PIK3R1: variants seen among roughly 807,000 people sequenced by gnomAD.
PIK3R1 encodes phosphatidylinositol 3-kinase regulatory subunit alpha.
Under a neutral mutation model 98.0 loss-of-function variants are expected in PIK3R1, and 29 were observed. The observed-to-expected ratio is 0.30, with a 90% CI of 0.22 to 0.40. PIK3R1 has a LOEUF of 0.40. Among genes scored for constraint, PIK3R1 ranks in the 10% least tolerant of loss-of-function variants. The pLI is 1.00. For missense variants in PIK3R1, 596 were observed against 872.7 expected (o/e 0.68, Z 3.99); for synonymous variants, 282 against 311.8 (o/e 0.90, Z 1.01).
At chr5:68,275,141 T>TA (rs1746519852) in intron 4 of PIK3R1, among the ~76,000 whole-genome samples, 1 of 152,196 alleles carries the variant, frequency 6.6e-6, no homozygotes, top group Admixed American at 6.5e-5. Flanking sequence ...TTTCAAAAGT[T>TA]AAAAAAATGT....
intron 2 of PIK3R1, among the ~76,000 whole-genome samples, chr5:68,256,531 C>A (rs1359316548): frequency 6.6e-6 from 1 of 152,128 alleles, no homozygotes; most frequent in Non-Finnish European, 1.5e-5. Flanking sequence ...CACCCAGCAA[C>A]ATTTTGTAAT....
At chr5:68,246,390 G>A (rs1439773334) in intron 2 of PIK3R1, among the ~76,000 whole-genome samples, 5 of 150,266 alleles carry the variant, frequency 3.3e-5, no homozygotes, top group African/African-American at 1.2e-4. Flanking sequence ...TCGGCTCGCT[G>A]CAACTTCTGC....
At chr5:68,220,503 T>A (rs1744056223) in intron 1 of PIK3R1, among the ~76,000 whole-genome samples, 1 of 152,188 alleles carries the variant, frequency 6.6e-6, no homozygotes, top group Non-Finnish European at 1.5e-5. Context: ...TGCCTAAGCG[T>A]TGCTGTCACC....
intron 2 of PIK3R1, among the ~76,000 whole-genome samples, chr5:68,228,135 G>C (rs943856323): frequency 6.6e-6 from 1 of 152,216 alleles, no homozygotes; most frequent in East Asian, 1.9e-4. Context: ...AACTGCAGTA[G>C]TTATATATTG....
At chr5:68,260,746 C>T (rs567684412) in intron 2 of PIK3R1, among the ~76,000 whole-genome samples, 7 of 152,148 alleles carry the variant, frequency 4.6e-5, no homozygotes, top group Non-Finnish European at 1.0e-4. Flanking sequence ...TCATATTGCT[C>T]TCAATTTCAT....
At chr5:68,293,880 T>C (rs1228607939) in intron 11 of PIK3R1, 46 bp downstream of exon 11, 3 of 1,420,752 alleles carry the variant, frequency 2.1e-6, no homozygotes, top group Non-Finnish European at 9.6e-7. Context: ...AGTTCTAAAC[T>C]TTTAAAGACT....
intron 1 of PIK3R1, among the ~76,000 whole-genome samples, chr5:68,224,163 A>T (rs1055707674): frequency 6.6e-6 from 1 of 152,244 alleles, no homozygotes; most frequent in Non-Finnish European, 1.5e-5. Context: ...CTAAGCATTT[A>T]GGGATATGTA....
intron 2 of PIK3R1, among the ~76,000 whole-genome samples, chr5:68,243,451 A>G (rs769022011): frequency 2.6e-5 from 4 of 152,230 alleles, no homozygotes; most frequent in East Asian, 1.9e-4. Flanking sequence ...AGAACCATCT[A>G]TGGAGGTCAT....
rs778443805 is a variant in PIK3R1, at chr5:68,279,605, C to T, written c.506C>T (p.Thr169Ile). The part of the protein sequence containing the change: ...AELRQLLDCD[T>I]PSVDLEMIDV... ...TATTTCTTAAATTGTTTCCTAGATA[C>T]ACCCTCCGTGGACTTGGAAATGATC... The change falls in exon 5 of 16, where the codon ACA (threonine) becomes ATA (isoleucine). Residue 169 changes from threonine to isoleucine, a missense_variant. This residue lies in a region of PIK3R1 where 352 missense variants were observed against 393.3 expected (regional missense o/e 0.90). Transcript: ENST00000521381. The T allele has an allele frequency of 1.4e-5, 23 of 1,611,930 alleles. No individual in the cohort carries two copies. Among genetic ancestry groups the T allele is most frequent in the South Asian group, 1.3e-4 (12 of 90,928 alleles).
At chr5:68,277,351 C>A (rs1374887166) in intron 4 of PIK3R1, among the ~76,000 whole-genome samples, 1 of 152,122 alleles carries the variant, frequency 6.6e-6, no homozygotes, top group Non-Finnish European at 1.5e-5. Context: ...TGGTATTGCC[C>A]CTCCCACACT....
intron 7 of PIK3R1, among the ~76,000 whole-genome samples, chr5:68,287,309 A>AT (rs143179702): frequency 0.017 from 2,508 of 151,542 alleles, 65 homozygotes; most frequent in African/African-American, 0.055. Context: ...AGTTTTGTCC[A>AT]TTTTTTTTTA....
In PIK3R1 at chr5:68,293,817, T is replaced by C. The variant is rs1382941916; in HGVS notation, c.1408T>C (p.Tyr470His). ...SREYDRLYEE[Y>H]TRTSQEIQMK... ...AGAATATGATAGATTATATGAAGAA[T>C]ATACCCGCACATCCCAGGTGAGTTT... is the stretch of plus-strand genomic sequence containing the variant. The change falls in exon 11 of 16, where the codon TAT (tyrosine) becomes CAT (histidine). Residue 470 changes from tyrosine to histidine, a missense_variant. Physicochemically the swap from Tyr to His is moderately conservative, Grantham distance 83. Transcript: ENST00000521381. 1 of 1,576,384 alleles carries C rather than the reference T, an allele frequency of 6.3e-7. No homozygotes were observed. Among genetic ancestry groups the C allele is most frequent in the East Asian group, 2.3e-5 (1 of 44,196 alleles).
At chr5:68,261,493 A>C (rs1745745153) in intron 2 of PIK3R1, among the ~76,000 whole-genome samples, 1 of 152,142 alleles carries the variant, frequency 6.6e-6, no homozygotes, top group Non-Finnish European at 1.5e-5. Context: ...GGATTTAATC[A>C]ATACTCTTTT....
Position 68,297,660 on chromosome 5 carries a change from A to C in PIK3R1, c.*59A>C. 6.4e-6 allele frequency: 9 copies of C among 1,399,534 alleles called. No individual in the cohort carries two copies. The highest frequency in any genetic ancestry group is 8.0e-6 in the Non-Finnish European group (8 of 999,690). The allele number at this position is 1,399,534 out of a possible 1,614,324, so 86.7% of individuals were successfully genotyped here. ...AGCCACCCTGAGGCCTCTGGAAAGCAAAGGGCTCCTCTCCAGTCTGATCTG... is the reference window on the plus strand; with the variant it reads ...AGCCACCCTGAGGCCTCTGGAAAGCCAAGGGCTCCTCTCCAGTCTGATCTG... On this transcript the variant is annotated 3_prime_UTR_variant, in exon 16 of 16. Coordinates refer to ENST00000521381, the MANE Select transcript of PIK3R1 (RefSeq NM_181523.3).
At chr5:68,225,960 C>T (rs1290564523) in intron 1 of PIK3R1, among the ~76,000 whole-genome samples, 4 of 152,270 alleles carry the variant, frequency 2.6e-5, no homozygotes, top group South Asian at 4.1e-4. Flanking sequence ...CTTTCTCCCT[C>T]GTTTGAACCC....
intron 4 of PIK3R1, among the ~76,000 whole-genome samples, chr5:68,274,377 A>C (rs919212294): frequency 6.6e-6 from 1 of 152,154 alleles, no homozygotes; most frequent in East Asian, 1.9e-4. Context: ...GAATCAATTA[A>C]AAAATATTTT....
At chr5:68,289,416 A>G (rs922480723) in intron 7 of PIK3R1, among the ~76,000 whole-genome samples, 1 of 152,038 alleles carries the variant, frequency 6.6e-6, no homozygotes, top group Admixed American at 6.6e-5. Flanking sequence ...GCTTTTTAAT[A>G]TATTTTATGA....
intron 2 of PIK3R1, among the ~76,000 whole-genome samples, chr5:68,245,883 A>C (rs1015989453): frequency 1.3e-5 from 2 of 152,212 alleles, no homozygotes; most frequent in Non-Finnish European, 2.9e-5. Flanking sequence ...CCAAAGAAGA[A>C]ATGAAGTTAG....
At chr5:68,266,029 C>G (rs539664290) in intron 2 of PIK3R1, among the ~76,000 whole-genome samples, 1 of 152,200 alleles carries the variant, frequency 6.6e-6, no homozygotes, top group Non-Finnish European at 1.5e-5. Flanking sequence ...CTCTCTCTAC[C>G]CACTCACTTT....
Sources: allele counts gnomAD v4.1 joint callset (sites outside exome capture counted in the v4.1 genomes callset), GRCh38; gene constraint gnomAD v4.1.1; regional missense constraint gnomAD v4.1.1; transcripts MANE v1.5; gene names NCBI Gene and HGNC (gene_info 2026-07-23, HGNC 2026-07-21).